Variants in CSMD3 observed in about 807,000 individuals in gnomAD.
The protein encoded by CSMD3 is CUB and Sushi multiple domains 3.
CSMD3 carries 177 observed loss-of-function variants against 435.2 expected under a neutral mutation model. The observed-to-expected ratio is 0.41, with a 90% CI of 0.36 to 0.46. CSMD3 has a LOEUF of 0.46. Among genes scored for constraint, CSMD3 ranks in the 20% least tolerant of loss-of-function variants. The pLI is 0.34. For missense variants in CSMD3, 4,265 were observed against 4,504.6 expected (o/e 0.95, Z 1.52); for synonymous variants, 1,656 against 1,520.5 (o/e 1.09, Z -2.07).
At chr8:112,910,006 A>G (rs1401665884) in intron 10 of CSMD3, among the ~76,000 whole-genome samples, 1 of 151,814 alleles carries the variant, frequency 6.6e-6, no homozygotes, top group African/African-American at 2.4e-5. Flanking sequence ...CCTGCCAGTG[A>G]GTACGTTACG....
intron 16 of CSMD3, among the ~76,000 whole-genome samples, chr8:112,677,067 A>G (rs1476876974): frequency 6.6e-6 from 1 of 152,136 alleles, no homozygotes; most frequent in African/African-American, 2.4e-5. Context: ...CAGAATGTCA[A>G]TCGAAAACCA....
At chr8:112,974,538 GTTTAC>G (rs942976312) in intron 7 of CSMD3, among the ~76,000 whole-genome samples, 9 of 151,642 alleles carry the variant, frequency 5.9e-5, no homozygotes, top group African/African-American at 1.5e-4. Context: ...GACAAAAACT[GTTTAC>G]TTTATTGAGT....
intron 10 of CSMD3, among the ~76,000 whole-genome samples, chr8:112,913,891 G>C (rs1049457577): frequency 6.6e-6 from 1 of 151,778 alleles, no homozygotes; most frequent in Non-Finnish European, 1.5e-5. Context: ...TCTTTGAACG[G>C]AATGCACCAT....
chr8:113,264,391 C>T (rs2093451060), intron 3 of CSMD3, among the ~76,000 whole-genome samples: 1 of 138,698 alleles, frequency 7.2e-6, no homozygotes, highest in Non-Finnish European at 1.5e-5. Context: ...ATAACACATT[C>T]AACTATATTT....
chr8:112,741,451 G>A (rs1311260894), intron 13 of CSMD3, among the ~76,000 whole-genome samples: 2 of 151,814 alleles, frequency 1.3e-5, no homozygotes, highest in Non-Finnish European at 2.9e-5. Flanking sequence ...AACAAACAAA[G>A]AAAGTAAAAG....
chr8:113,365,705 C>T (rs1554621514), intron 1 of CSMD3, among the ~76,000 whole-genome samples: 1 of 151,980 alleles, frequency 6.6e-6, no homozygotes, highest in Non-Finnish European at 1.5e-5. Flanking sequence ...CGGACCTGAA[C>T]ATGGGTTTCT....
chr8:112,777,627 G>A (rs973398399), intron 13 of CSMD3, among the ~76,000 whole-genome samples: 6 of 151,690 alleles, frequency 4.0e-5, no homozygotes, highest in African/African-American at 1.5e-4. Flanking sequence ...GCCATGACTT[G>A]GTGACCACGA....
At chr8:113,377,652 A>C (rs910518689) in intron 1 of CSMD3, among the ~76,000 whole-genome samples, 1 of 152,208 alleles carries the variant, frequency 6.6e-6, no homozygotes, top group Non-Finnish European at 1.5e-5. Context: ...CAAACAATAG[A>C]AACTCTAATT....
chr8:112,945,184 C>G (rs2083565140), intron 9 of CSMD3, among the ~76,000 whole-genome samples: 1 of 151,552 alleles, frequency 6.6e-6, no homozygotes, highest in African/African-American at 2.4e-5. Context: ...TTTCCTTTTT[C>G]TTACTCTCCA....
chr8:112,857,632 A>G (rs1034012929), intron 11 of CSMD3, among the ~76,000 whole-genome samples: 1 of 151,848 alleles, frequency 6.6e-6, no homozygotes, highest in Non-Finnish European at 1.5e-5. Flanking sequence ...CTCATAAAGT[A>G]CACACCTCTG....
chr8:112,513,647 A>G (rs1420965768), intron 28 of CSMD3, among the ~76,000 whole-genome samples: 2 of 152,204 alleles, frequency 1.3e-5, no homozygotes, highest in Non-Finnish European at 2.9e-5. Context: ...AAAAAAGTCT[A>G]TTAGGACTTG....
At chr8:112,491,145 T>G (rs1388491722) in intron 31 of CSMD3, among the ~76,000 whole-genome samples, 2 of 152,144 alleles carry the variant, frequency 1.3e-5, no homozygotes, top group Non-Finnish European at 2.9e-5. Context: ...ATGTAATTCT[T>G]ATAAGTGAAT....
At chr8:112,308,684 T>C (rs968939207) in intron 50 of CSMD3, among the ~76,000 whole-genome samples, 1 of 151,998 alleles carries the variant, frequency 6.6e-6, no homozygotes, top group South Asian at 2.1e-4. Context: ...ATGAGGATTG[T>C]TCAATTTTTG....
At chr8:112,541,039 T>C (rs1206784617) in intron 27 of CSMD3, among the ~76,000 whole-genome samples, 1 of 151,938 alleles carries the variant, frequency 6.6e-6, no homozygotes, top group Non-Finnish European at 1.5e-5. Flanking sequence ...TCCATAAATA[T>C]GTACAACTAT....
intron 4 of CSMD3, among the ~76,000 whole-genome samples, chr8:113,134,507 T>C (rs1044970470): frequency 1.3e-5 from 2 of 152,056 alleles, no homozygotes; most frequent in Non-Finnish European, 2.9e-5. Context: ...GAAAAGCCTG[T>C]AAGAACACAG....
intron 5 of CSMD3, among the ~76,000 whole-genome samples, chr8:113,021,535 A>G (rs1263236438): frequency 6.6e-6 from 1 of 152,208 alleles, no homozygotes; most frequent in Non-Finnish European, 1.5e-5. Context: ...GTAATACACC[A>G]AAGCAGAGTT....
chr8:113,290,336 T>C (rs891556523), intron 2 of CSMD3, among the ~76,000 whole-genome samples: 3 of 151,692 alleles, frequency 2.0e-5, no homozygotes, highest in African/African-American at 4.8e-5. Context: ...CATCTAGACA[T>C]TGTAAAATTT....
intron 10 of CSMD3, among the ~76,000 whole-genome samples, chr8:112,865,066 C>T (rs1163888598): frequency 1.3e-5 from 2 of 152,102 alleles, no homozygotes; most frequent in Non-Finnish European, 2.9e-5. Flanking sequence ...GAAGCAGAAG[C>T]CAAAAGATTT....
At chr8:112,305,286 C>T (rs957842089) in intron 51 of CSMD3, among the ~76,000 whole-genome samples, 1 of 152,088 alleles carries the variant, frequency 6.6e-6, no homozygotes, top group East Asian at 1.9e-4. Flanking sequence ...TCAACTTTAG[C>T]TAATTCAAAA....
Sources: gnomAD v4.1 joint callset for allele counts (sites outside exome capture counted in the v4.1 genomes callset) on GRCh38, gnomAD v4.1.1 for gene constraint, MANE v1.5 for transcripts, NCBI Gene and HGNC (gene_info 2026-07-23, HGNC 2026-07-21) for gene names.